KAZN: variants seen among roughly 807,000 people sequenced by gnomAD.
The protein encoded by KAZN is kazrin, periplakin interacting protein.
KAZN carries 40 observed loss-of-function variants against 87.4 expected under a neutral mutation model. That is an observed-to-expected ratio of 0.46 (90% CI 0.36 to 0.60). KAZN has a LOEUF of 0.60. KAZN is among the 20% of genes least tolerant of loss of function. The probability of loss-of-function intolerance (pLI) is 0.00; values close to 1 mark genes in which losing one functional copy is unlikely to be tolerated. For synonymous variants in KAZN, 466 were observed against 458.3 expected (o/e 1.02, Z -0.22); for missense variants, 898 against 1,073.9 (o/e 0.84, Z 2.29).
At chr1:14,410,224 C>A (rs1352657771) in intron 2 of KAZN, among the ~76,000 whole-genome samples, 8 of 152,190 alleles carry the variant, frequency 5.3e-5, no homozygotes, top group Admixed American at 5.2e-4. Context: ...GTGCCTCAAC[C>A]TCCAGAGTAG....
intron 1 of KAZN, among the ~76,000 whole-genome samples, chr1:14,845,320 G>C (rs1648600941): frequency 6.6e-6 from 1 of 150,526 alleles, no homozygotes; most frequent in Non-Finnish European, 1.5e-5. Flanking sequence ...TAGGTAGGTA[G>C]GTGGATGGAC....
chr1:14,681,793 C>A (rs1201350675), intron 1 of KAZN, among the ~76,000 whole-genome samples: 2 of 145,560 alleles, frequency 1.4e-5, no homozygotes, highest in South Asian at 4.4e-4. Context: ...CGTTCTCCTG[C>A]CATTCTCCTG....
intron 1 of KAZN, among the ~76,000 whole-genome samples, chr1:14,688,162 G>C (rs2148777298): frequency 6.6e-6 from 1 of 152,316 alleles, no homozygotes. Context: ...CCAGCCTCTG[G>C]GCACAACAGA....
intron 1 of KAZN, among the ~76,000 whole-genome samples, chr1:14,726,317 G>C (rs1199086726): frequency 6.6e-6 from 1 of 152,170 alleles, no homozygotes; most frequent in East Asian, 1.9e-4. Flanking sequence ...AGCACACAGG[G>C]GACCTGTGCA....
intron 1 of KAZN, among the ~76,000 whole-genome samples, chr1:14,146,536 C>CAAAAAAAA (rs55928646): frequency 7.9e-5 from 5 of 63,506 alleles, no homozygotes; most frequent in African/African-American, 2.0e-4. Context: ...AACTCCATCT[C>CAAAAAAAA]AAAAAAAAAA....
intron 2 of KAZN, among the ~76,000 whole-genome samples, chr1:14,280,826 G>A (rs373659971): frequency 6.6e-6 from 1 of 152,118 alleles, no homozygotes; most frequent in Non-Finnish European, 1.5e-5. Flanking sequence ...ATTTTTGTAG[G>A]TACAATACAG....
At chr1:14,334,381 A>G (rs1326172922) in intron 2 of KAZN, among the ~76,000 whole-genome samples, 1 of 150,366 alleles carries the variant, frequency 6.7e-6, no homozygotes, top group East Asian at 2.0e-4. Flanking sequence ...AAAAAAAAAA[A>G]AAAAAAAAAG....
chr1:14,755,261 A>G (rs1644529960), intron 1 of KAZN, among the ~76,000 whole-genome samples: 1 of 151,944 alleles, frequency 6.6e-6, no homozygotes, highest in South Asian at 2.1e-4. Flanking sequence ...TCAAAAACAA[A>G]TGAACAAAAA....
At chr1:14,705,853 G>A (rs532793273) in intron 1 of KAZN, among the ~76,000 whole-genome samples, 32 of 152,144 alleles carry the variant, frequency 2.1e-4, no homozygotes, top group Non-Finnish European at 3.7e-4. Flanking sequence ...ACCTTCTAGC[G>A]TTCTATACCA....
At chr1:14,344,676 G>A (rs142984191) in intron 2 of KAZN, among the ~76,000 whole-genome samples, 2,781 of 152,180 alleles carry the variant, frequency 0.018, 142 homozygotes, top group Admixed American at 0.11. Context: ...AGAGGGGAGA[G>A]ACATCCCATT....
chr1:15,052,483 T>C (rs528227680), intron 4 of KAZN, among the ~76,000 whole-genome samples: 1 of 152,186 alleles, frequency 6.6e-6, no homozygotes, highest in East Asian at 1.9e-4. Flanking sequence ...TTATGGGAGC[T>C]TATAATTCAA....
intron 1 of KAZN, among the ~76,000 whole-genome samples, chr1:14,887,282 C>A (rs1654174791): frequency 6.6e-6 from 1 of 152,162 alleles, no homozygotes; most frequent in Non-Finnish European, 1.5e-5. Context: ...TCTCCCTGTG[C>A]AATGAAGCAA....
intron 1 of KAZN, among the ~76,000 whole-genome samples, chr1:14,103,356 T>C (rs1312369120): frequency 6.6e-6 from 1 of 152,198 alleles, no homozygotes; most frequent in Admixed American, 6.5e-5. Flanking sequence ...GACTTCGATA[T>C]ATAAATTGGA....
intron 2 of KAZN, among the ~76,000 whole-genome samples, chr1:14,392,697 A>G (rs564527702): frequency 1.4e-4 from 22 of 152,272 alleles, no homozygotes; most frequent in Non-Finnish European, 2.8e-4. Context: ...CGGTCATGAC[A>G]ATAGAGAAAA....
At chr1:14,994,944 C>T (rs1025290171) in intron 2 of KAZN, among the ~76,000 whole-genome samples, 1 of 152,254 alleles carries the variant, frequency 6.6e-6, no homozygotes, top group Non-Finnish European at 1.5e-5. Flanking sequence ...TCAGACACAG[C>T]ATGGAGTAGG....
At chr1:13,984,354 G>T (rs144550102) in intron 1 of KAZN, among the ~76,000 whole-genome samples, 2 of 152,274 alleles carry the variant, frequency 1.3e-5, no homozygotes, top group South Asian at 4.2e-4. Flanking sequence ...TCTAGGAAAC[G>T]GGCAATGGGC....
chr1:13,935,863 TGTG>T (rs1417682839), intron 1 of KAZN, among the ~76,000 whole-genome samples: 126 of 25,454 alleles, frequency 5.0e-3, no homozygotes, highest in Non-Finnish European at 6.8e-3. Flanking sequence ...TACATCCTAA[TGTG>T]TGTGTGTGTG....
chr1:15,027,903 G>A (rs11803332), intron 2 of KAZN, among the ~76,000 whole-genome samples: 52,226 of 152,110 alleles, frequency 0.34, 9,511 homozygotes, highest in African/African-American at 0.46. Flanking sequence ...TGTGGCATCC[G>A]AAGCCAGAGA....
chr1:14,615,878 A>T (rs1208342383), intron 1 of KAZN, among the ~76,000 whole-genome samples: 1 of 152,218 alleles, frequency 6.6e-6, no homozygotes. Context: ...ACTATTCATA[A>T]TATCACCCAA....
Sources: gnomAD v4.1 joint callset for allele counts (sites outside exome capture counted in the v4.1 genomes callset) on GRCh38, gnomAD v4.1.1 for gene constraint, MANE v1.5 for transcripts, NCBI Gene and HGNC (gene_info 2026-07-23, HGNC 2026-07-21) for gene names.